The following CYFIP1 variants were observed in gnomAD, a reference collection of about 807,000 sequenced individuals.
The protein encoded by CYFIP1 is cytoplasmic FMR1-interacting protein 1.
Under a neutral mutation model 163.5 loss-of-function variants are expected in CYFIP1, and 58 were observed. That is an observed-to-expected ratio of 0.35 (90% CI 0.29 to 0.44). The LOEUF (loss-of-function observed/expected upper bound fraction) is 0.44. CYFIP1 is among the 20% of genes least tolerant of loss of function. The probability of loss-of-function intolerance (pLI) is 1.00; values close to 1 mark genes in which losing one functional copy is unlikely to be tolerated. For synonymous variants in CYFIP1, 663 were observed against 660.7 expected (o/e 1.00, Z -0.05); for missense variants, 1,338 against 1,653.8 (o/e 0.81, Z 3.31).
At chr15:22,967,995 G>C (rs2062968812) in intron 1 of CYFIP1, among the ~76,000 whole-genome samples, 1 of 152,014 alleles carries the variant, frequency 6.6e-6, no homozygotes, top group Admixed American at 6.5e-5. Context: ...AATTAGCCAG[G>C]CGTGGTGGCA....
intron 11 of CYFIP1, among the ~76,000 whole-genome samples, chr15:22,930,755 T>G (rs2061512528): frequency 6.6e-6 from 1 of 152,176 alleles, no homozygotes. Context: ...TTAAGCAAAG[T>G]GTTGTTACAA....
chr15:22,915,119 G>T (rs1407037648), intron 16 of CYFIP1: 9 of 403,558 alleles, frequency 2.2e-5, no homozygotes, highest in Admixed American at 9.1e-5. Context: ...TGGGATCCAG[G>T]GGGAAAGTGT....
chr15:22,972,517 A>G (rs1028708793), intron 1 of CYFIP1, among the ~76,000 whole-genome samples: 1 of 152,212 alleles, frequency 6.6e-6, no homozygotes, highest in Non-Finnish European at 1.5e-5. Flanking sequence ...AGACACATAA[A>G]CCAATGGAAC....
At chr15:22,871,051 G>A (rs1207871735) in intron 30 of CYFIP1, among the ~76,000 whole-genome samples, 1 of 152,138 alleles carries the variant, frequency 6.6e-6, no homozygotes, top group African/African-American at 2.4e-5. Flanking sequence ...TAAGCAAGCG[G>A]GACCACACCG....
chr15:22,881,823 G>A, intron 25 of CYFIP1, 23 bp downstream of exon 25: 1 of 1,604,858 alleles, frequency 6.2e-7, no homozygotes, highest in South Asian at 1.1e-5. Context: ...ACAGCACTGT[G>A]AGCTCCACAC....
chr15:22,979,074 G>A (rs1484391257), intron 1 of CYFIP1, among the ~76,000 whole-genome samples: 2 of 152,190 alleles, frequency 1.3e-5, no homozygotes, highest in Admixed American at 6.5e-5. Flanking sequence ...TCTTAACGCA[G>A]GAAACGTCCT....
At chr15:22,918,175 T>G (rs547679385) in intron 14 of CYFIP1, among the ~76,000 whole-genome samples, 3 of 152,204 alleles carry the variant, frequency 2.0e-5, no homozygotes, top group African/African-American at 7.2e-5. Context: ...AGTTCGCATC[T>G]GTTAGCCCAG....
At chr15:22,881,079 C>T (rs2059748122) in intron 25 of CYFIP1, among the ~76,000 whole-genome samples, 1 of 152,166 alleles carries the variant, frequency 6.6e-6, no homozygotes, top group South Asian at 2.1e-4. Context: ...GAGGGGGACA[C>T]CTTATCGTCT....
At chr15:22,962,865 C>T (rs978988971) in intron 1 of CYFIP1, among the ~76,000 whole-genome samples, 3 of 152,226 alleles carry the variant, frequency 2.0e-5, no homozygotes, top group South Asian at 2.1e-4. Flanking sequence ...TTGACGTGTG[C>T]GTGCTATTCC....
At chr15:22,932,093 C>T in intron 11 of CYFIP1, 130 bp downstream of exon 11, 2 of 648,102 alleles carry the variant, frequency 3.1e-6, no homozygotes, top group Middle Eastern at 3.2e-4. Flanking sequence ...GAACCTGTCC[C>T]TGTCATTATG....
intron 22 of CYFIP1, among the ~76,000 whole-genome samples, chr15:22,901,724 T>C (rs2060399794): frequency 6.6e-6 from 1 of 152,236 alleles, no homozygotes; most frequent in Non-Finnish European, 1.5e-5. Flanking sequence ...GCTTGTGCCA[T>C]GTAGCTCTCA....
intron 11 of CYFIP1, among the ~76,000 whole-genome samples, chr15:22,928,281 G>C (rs2061421130): frequency 6.6e-6 from 1 of 152,180 alleles, no homozygotes; most frequent in South Asian, 2.1e-4. Flanking sequence ...TACTTCAGAG[G>C]CTGAGGCAGG....
chr15:22,943,102 G>T, intron 6 of CYFIP1, 71 bp downstream of exon 6: 2 of 1,456,086 alleles, frequency 1.4e-6, no homozygotes, highest in African/African-American at 1.4e-5. Context: ...ACGCACACCT[G>T]CTGTGCACAA....
intron 1 of CYFIP1, among the ~76,000 whole-genome samples, chr15:22,976,098 A>G (rs1292967753): frequency 6.6e-6 from 1 of 152,058 alleles, no homozygotes; most frequent in Non-Finnish European, 1.5e-5. Flanking sequence ...GTCTTATTCA[A>G]TGTATACCTA....
intron 23 of CYFIP1, among the ~76,000 whole-genome samples, chr15:22,892,360 T>C (rs1046610404): frequency 6.6e-6 from 1 of 152,138 alleles, no homozygotes; most frequent in African/African-American, 2.4e-5. Context: ...GTGGACATCA[T>C]CCTATCTCAC....
At chr15:22,894,239 C>T (rs998452724) in intron 22 of CYFIP1, among the ~76,000 whole-genome samples, 2 of 149,468 alleles carry the variant, frequency 1.3e-5, no homozygotes, top group South Asian at 4.2e-4. Flanking sequence ...GGGAGCCAAG[C>T]GCCAGGATAT....
At chr15:22,901,137 A>T (rs976342360) in intron 22 of CYFIP1, among the ~76,000 whole-genome samples, 2 of 151,744 alleles carry the variant, frequency 1.3e-5, no homozygotes, top group African/African-American at 2.4e-5. Context: ...CGGAAGGCAG[A>T]GGCTGCAATG....
At chr15:22,899,017 T>C (rs1178329620) in intron 22 of CYFIP1, among the ~76,000 whole-genome samples, 2 of 151,524 alleles carry the variant, frequency 1.3e-5, no homozygotes, top group Non-Finnish European at 2.9e-5. Context: ...AAAAAAAAAT[T>C]TGTAGAGACG....
intron 1 of CYFIP1, among the ~76,000 whole-genome samples, chr15:22,964,409 C>A (rs1199366726): frequency 1.8e-5 from 2 of 111,892 alleles, no homozygotes; most frequent in Admixed American, 9.7e-5. Context: ...ACACACACAC[C>A]CGGCAGCCCT....
Sources: allele counts gnomAD v4.1 joint callset (sites outside exome capture counted in the v4.1 genomes callset), GRCh38; gene constraint gnomAD v4.1.1; transcripts MANE v1.5; gene names NCBI Gene and HGNC (gene_info 2026-07-23, HGNC 2026-07-21).